SLC17A9: variants seen among roughly 807,000 people sequenced by gnomAD.
SLC17A9 encodes the protein solute carrier family 17 member 9.
Under a neutral mutation model 55.0 loss-of-function variants are expected in SLC17A9, and 49 were observed. The observed-to-expected ratio is 0.89, with a 90% CI of 0.71 to 1.13. SLC17A9 has a LOEUF of 1.13. Among genes scored for constraint, SLC17A9 ranks in the 50% most tolerant of loss-of-function variants. The probability of loss-of-function intolerance (pLI) is 0.00; values close to 1 mark genes in which losing one functional copy is unlikely to be tolerated. For missense variants in SLC17A9, 526 were observed against 569.3 expected (o/e 0.92, Z 0.77); for synonymous variants, 256 against 247.4 (o/e 1.03, Z -0.32).
At chr20:62,961,666 G>A (rs933913943) in intron 4 of SLC17A9, among the ~76,000 whole-genome samples, 6 of 152,222 alleles carry the variant, frequency 3.9e-5, no homozygotes, top group Admixed American at 1.3e-4. Context: ...GGCCTAGAGT[G>A]ACCAGATTCA....
At chr20:62,955,426 G>A (rs557105714) in intron 1 of SLC17A9, among the ~76,000 whole-genome samples, 18 of 152,134 alleles carry the variant, frequency 1.2e-4, no homozygotes, top group East Asian at 3.9e-4. Flanking sequence ...GATTACAGGC[G>A]TGAGCCACCA....
At chr20:62,960,383 G>T in intron 3 of SLC17A9, 121 bp from the exon 4 acceptor site, 4 of 851,208 alleles carry the variant, frequency 4.7e-6, no homozygotes, top group Non-Finnish European at 7.4e-6. Flanking sequence ...TCCCTCGGGT[G>T]GGGAGGTGAG....
At chr20:62,953,111 C>T (rs763041033) in intron 1 of SLC17A9, 1 of 1,421,708 alleles carries the variant, frequency 7.0e-7, no homozygotes, top group South Asian at 1.2e-5. Context: ...CTGGCAAGTG[C>T]CCTATCCCAG....
intron 1 of SLC17A9, among the ~76,000 whole-genome samples, chr20:62,954,429 C>A (rs1478141166): frequency 6.6e-6 from 1 of 152,272 alleles, no homozygotes; most frequent in Non-Finnish European, 1.5e-5. Context: ...CACCTGTTTG[C>A]TCAGCCGTGG....
chr20:62,964,271 C>T lies in SLC17A9; in HGVS notation c.866C>T (p.Ala289Val). The T allele has an allele frequency of 1.9e-6, 3 of 1,614,204 alleles. No homozygotes were observed. The highest frequency in any genetic ancestry group is 1.3e-5 in the African/African-American group (1 of 75,058). ...NVVPWLVAIPASLFSGFLSDH... is the reference protein window; with the variant it reads ...NVVPWLVAIPVSLFSGFLSDH... ...GTTCCTTGGTTGGTGGCGATTCCGG[C>T]CAGTCTATTCAGCGGGTTTCTCTCT... The change falls in exon 8 of 13, where the codon GCC becomes GTC. Residue 289 changes from alanine to valine, a missense_variant. Ala to Val is a moderately conservative substitution (Grantham distance 64, BLOSUM62 0). Transcript: ENST00000370351.
intron 1 of SLC17A9, among the ~76,000 whole-genome samples, chr20:62,955,375 T>C (rs976772820): frequency 4.6e-5 from 7 of 152,148 alleles, no homozygotes; most frequent in African/African-American, 7.2e-5. Context: ...CTCGAACTCC[T>C]GACCTTGTGA....
chr20:62,963,537 C>A, intron 6 of SLC17A9, 47 bp from the exon 7 acceptor site: 1 of 1,556,496 alleles, frequency 6.4e-7, no homozygotes, highest in East Asian at 2.4e-5. Flanking sequence ...ACAGGCCCGG[C>A]CAGCTCGTGC....
At chr20:62,963,233 C>T (rs1014643899) in intron 5 of SLC17A9, 40 bp from the exon 6 acceptor site, 14 of 1,601,500 alleles carry the variant, frequency 8.7e-6, no homozygotes, top group Middle Eastern at 1.6e-4. Context: ...TGGCGCCTCC[C>T]GCCCTGATAG....
Position 62,963,670 on chromosome 20 carries a change from C to T in SLC17A9, c.812C>T (p.Pro271Leu), listed in dbSNP as rs1378759675. 1 of 1,596,024 alleles carries T rather than the reference C, an allele frequency of 6.3e-7. No homozygotes were observed. Among genetic ancestry groups the T allele is most frequent in the Non-Finnish European group, 8.5e-7 (1 of 1,171,386 alleles). The change falls in exon 7 of 13, where the codon CCC becomes CTC. Residue 271 changes from proline to leucine, a missense_variant. Transcript: ENST00000370351. ...CCCACCTTCTTCGAGGAGACCTTCC[C>T]CGACGCCAAGGTGAGTCGGGGGCTC... ...WLPTFFEETF[P>L]DAKGWIFNVV... is the part of the protein sequence containing the mutation.
At chr20:62,966,458 G>C (rs1206997359) in intron 10 of SLC17A9, 67 bp from the exon 11 acceptor site, 6 of 1,562,832 alleles carry the variant, frequency 3.8e-6, no homozygotes, top group Non-Finnish European at 5.2e-6. Context: ...CGCTTCCCCT[G>C]TGACAACCCT....
chr20:62,956,623 A>G (rs905917797), intron 1 of SLC17A9, 142 bp from the exon 2 acceptor site: 2 of 744,506 alleles, frequency 2.7e-6, no homozygotes, highest in African/African-American at 3.5e-5. Context: ...AGGTGTTTGA[A>G]TGCTTGCCAA....
At position 62,963,816 on chromosome 20, in the gene SLC17A9, C is replaced by T. The variant is rs2065611115; in HGVS notation, c.822+136C>T. 8.9e-6 allele frequency: 7 copies of T among 786,212 alleles called. No individual in the cohort carries two copies. In the Admixed American group the frequency reaches 1.5e-4, roughly 17 times the overall value. 48.7% of individuals were successfully genotyped at this position (786,212 alleles called of 1,614,324 possible). On this transcript the variant is annotated intron_variant, in intron 7 of 12. Coordinates refer to ENST00000370351, the MANE Select transcript of SLC17A9 (RefSeq NM_022082.4). ...CTGGACTCTGAGGGTCCTGGCACTG[C>T]CAGGCTCTTCCTCTGGAGAGGACCC...
chr20:62,953,266 A>C, intron 1 of SLC17A9: 1 of 1,549,780 alleles, frequency 6.5e-7, no homozygotes. Flanking sequence ...GACAGTCAGG[A>C]GGCCAGGTAG....
chr20:62,965,284 C>A, intron 9 of SLC17A9, 118 bp downstream of exon 9: 1 of 1,346,472 alleles, frequency 7.4e-7, no homozygotes, highest in Non-Finnish European at 1.1e-6. Flanking sequence ...AATGCCAGGC[C>A]TCTCCATGTG....
chr20:62,962,986 G>A lies in SLC17A9; in HGVS notation c.628+232G>A. 1.5e-6 allele frequency: 1 copy of A among 675,802 alleles called. No homozygotes were observed. Among genetic ancestry groups the A allele is most frequent in the Non-Finnish European group, 2.4e-6 (1 of 408,480 alleles). 41.9% of individuals were successfully genotyped at this position (675,802 alleles called of 1,614,324 possible). A position where few individuals can be genotyped will look rare whatever the true frequency, so the allele number is the denominator to read the frequency against. On this transcript the variant is annotated intron_variant, in intron 5 of 12. Coordinates refer to ENST00000370351, the MANE Select transcript of SLC17A9 (RefSeq NM_022082.4). The surrounding 1 kb of genome is among the most constrained non-coding windows in gnomAD (Gnocchi z 5.5). Reference sequence around the variant, plus strand: ...CTAAGGCAGACACCCAGGAAGACCTGCTGGGCACAGGTCAAGGCAGGGTGC... The same window carrying A: ...CTAAGGCAGACACCCAGGAAGACCTACTGGGCACAGGTCAAGGCAGGGTGC...
At chr20:62,953,469 G>A (rs1049461221) in intron 1 of SLC17A9, among the ~76,000 whole-genome samples, 1 of 152,238 alleles carries the variant, frequency 6.6e-6, no homozygotes, top group Non-Finnish European at 1.5e-5. Context: ...GGCAGGTGAC[G>A]CCTCAGAAAC....
Position 62,956,871 on chromosome 20 carries a change from G to C in SLC17A9, c.166G>C (p.Gly56Arg). 6.2e-7 allele frequency: 1 copy of C among 1,613,574 alleles called. No homozygotes were observed. Among genetic ancestry groups the C allele is most frequent in the Non-Finnish European group, 8.5e-7 (1 of 1,180,010 alleles). ...CACCGTCTCCATGAGCCAGGACTTC[G>C]GCTGGAACAAGAAGGAGGCCGGCAT... is the stretch of plus-strand genomic sequence containing the variant. ...ICTVSMSQDF[G>R]WNKKEAGIVL... is the part of the protein sequence containing the mutation. Residue 56 changes from glycine to arginine, a missense_variant, in exon 2 of 13, where the codon GGC (glycine) becomes CGC (arginine). By Grantham distance (125) the Gly-to-Arg change is moderately radical. Transcript: ENST00000370351.
chr20:62,960,966 GTGA>G (rs2065584525), intron 4 of SLC17A9, among the ~76,000 whole-genome samples: 1 of 152,246 alleles, frequency 6.6e-6, no homozygotes, highest in Non-Finnish European at 1.5e-5. Flanking sequence ...AGGAGAGTCT[GTGA>G]GCGCAGGAGC....
At chr20:62,960,431 C>G (rs1331527855) in intron 3 of SLC17A9, 73 bp from the exon 4 acceptor site, 1 of 1,432,222 alleles carries the variant, frequency 7.0e-7, no homozygotes, top group South Asian at 1.2e-5. Context: ...AATCACAGCC[C>G]AAACCTGAGC....
Sources: allele counts gnomAD v4.1 joint callset (sites outside exome capture counted in the v4.1 genomes callset), GRCh38; gene constraint gnomAD v4.1.1; non-coding constraint Gnocchi (gnomAD v3.1); transcripts MANE v1.5; gene names NCBI Gene and HGNC (gene_info 2026-07-23, HGNC 2026-07-21).